The following IL1RL2 variants were observed in gnomAD, a reference collection of about 807,000 sequenced individuals.
IL1RL2 encodes interleukin 1 receptor like 2.
A neutral mutation model predicts 66.8 loss-of-function variants in IL1RL2; 68 were observed. The observed-to-expected ratio is 1.02, with a 90% CI of 0.84 to 1.25. The LOEUF is 1.25. Among genes scored for constraint, IL1RL2 ranks in the 50% most tolerant of loss-of-function variants. The probability of loss-of-function intolerance (pLI) is 0.00; values close to 1 mark genes in which losing one functional copy is unlikely to be tolerated. For missense variants in IL1RL2, 729 were observed against 709.3 expected (o/e 1.03, Z -0.32); for synonymous variants, 305 against 264.6 (o/e 1.15, Z -1.48).
At chr2:102,233,157 TA>T in intron 10 of IL1RL2, 33 bp downstream of exon 10, 2 of 1,563,100 alleles carry the variant, frequency 1.3e-6, no homozygotes, top group Non-Finnish European at 1.7e-6. Context: ...AAATAACAAA[TA>T]AAAGAAGGAA....
chr2:102,211,953 TG>T, intron 5 of IL1RL2, 146 bp from the exon 6 acceptor site: 1 of 515,082 alleles, frequency 1.9e-6, no homozygotes, highest in Non-Finnish European at 3.5e-6. Context: ...CAGTTACTTC[TG>T]GTTGAAAATG....
At chr2:102,227,905 T>G (rs1399132965) in intron 9 of IL1RL2, among the ~76,000 whole-genome samples, 1 of 151,770 alleles carries the variant, frequency 6.6e-6, no homozygotes, top group Non-Finnish European at 1.5e-5. Context: ...TGTTGTGCAG[T>G]GTGTGGGGAA....
intron 9 of IL1RL2, 105 bp from the exon 10 acceptor site, chr2:102,232,858 G>C: frequency 1.5e-6 from 2 of 1,328,188 alleles, no homozygotes; most frequent in Admixed American, 4.5e-5. Flanking sequence ...AGAAGTCATG[G>C]AACCCAGGCC....
chr2:102,232,534 G>A lies in IL1RL2; in HGVS notation c.1136-429G>A, dbSNP rs189387755. 3.9e-5 allele frequency among the ~76,000 whole-genome samples: 6 copies of A among 152,256 alleles called. No individual in the cohort carries two copies. In the East Asian group the frequency reaches 5.8e-4, roughly 15 times the overall value. On this transcript the variant is annotated intron_variant, in intron 9 of 11. Coordinates refer to ENST00000264257, the MANE Select transcript of IL1RL2 (RefSeq NM_003854.4). ...CTTTGGAGAGTCTTGTTATGTTGCC[G>A]AGGCTAGTCTTGAATTCCTGGCCTC...
intron 5 of IL1RL2, among the ~76,000 whole-genome samples, chr2:102,204,987 A>G (rs72820147): frequency 0.28 from 42,485 of 150,996 alleles, 6,580 homozygotes; most frequent in East Asian, 0.39. Flanking sequence ...ATATGACTTG[A>G]TTTCTTGCTT....
chr2:102,224,389 A>G (rs1690416452), intron 8 of IL1RL2, among the ~76,000 whole-genome samples: 1 of 152,232 alleles, frequency 6.6e-6, no homozygotes. Flanking sequence ...ATTCATCCAT[A>G]AAAGAGAATG....
At position 102,196,216 on chromosome 2, in the gene IL1RL2, C is replaced by T. The variant is rs142085967; in HGVS notation, c.489+4096C>T. On this transcript the variant is annotated intron_variant, in intron 4 of 11. Coordinates refer to ENST00000264257, the MANE Select transcript of IL1RL2 (RefSeq NM_003854.4). ...ATCTTTTAAAAATTCTGATGTTCAG[C>T]CTCACCTTCTGCTAACTGAAGCAGG... Among the ~76,000 whole-genome samples the T allele has an allele frequency of 6.8e-4, 104 of 152,262 alleles. 1 individual carries two copies. Among genetic ancestry groups the T allele is most frequent in the Non-Finnish European group, 1.2e-3 (79 of 68,018 alleles).
At chr2:102,207,149 C>A (rs985217284) in intron 5 of IL1RL2, among the ~76,000 whole-genome samples, 2 of 152,148 alleles carry the variant, frequency 1.3e-5, no homozygotes, top group African/African-American at 4.8e-5. Flanking sequence ...GCACTGGGCT[C>A]CCTTCTGGCC....
At chr2:102,235,961 G>A in intron 11 of IL1RL2, 1 of 985,076 alleles carries the variant, frequency 1.0e-6, no homozygotes, top group Non-Finnish European at 1.2e-6. Flanking sequence ...AAAGCAAGCA[G>A]GAATTCCTTT....
At chr2:102,194,663 C>T (rs1367169661) in intron 4 of IL1RL2, among the ~76,000 whole-genome samples, 1 of 152,114 alleles carries the variant, frequency 6.6e-6, no homozygotes, top group Non-Finnish European at 1.5e-5. Flanking sequence ...TCCCTGATTA[C>T]TGATAATGTT....
intron 9 of IL1RL2, 31 bp from the exon 10 acceptor site, chr2:102,232,932 A>C: frequency 6.3e-7 from 1 of 1,587,478 alleles, no homozygotes; most frequent in Non-Finnish European, 8.6e-7. Context: ...TGGTAGCAAC[A>C]ATTCCACAAG....
chr2:102,227,310 A>C (rs2104866513), intron 9 of IL1RL2, among the ~76,000 whole-genome samples: 1 of 152,298 alleles, frequency 6.6e-6, no homozygotes, highest in South Asian at 2.1e-4. Flanking sequence ...GCCAGCTAAA[A>C]CATAAAAGAG....
chr2:102,221,800 C>G (rs996733497), intron 8 of IL1RL2, among the ~76,000 whole-genome samples: 1 of 152,310 alleles, frequency 6.6e-6, no homozygotes, highest in African/African-American at 2.4e-5. Flanking sequence ...CGACTTCCTT[C>G]CACGACTGTT....
At chr2:102,189,343 T>G in intron 3 of IL1RL2, 33 bp downstream of exon 3, 1 of 1,273,658 alleles carries the variant, frequency 7.9e-7, no homozygotes, top group Non-Finnish European at 1.1e-6. Context: ...AACTAACTCG[T>G]GTGTGTATGT....
intron 11 of IL1RL2, among the ~76,000 whole-genome samples, chr2:102,238,209 G>T (rs746720355): frequency 2.0e-5 from 3 of 152,008 alleles, no homozygotes; most frequent in Non-Finnish European, 4.4e-5. Context: ...GTGCTGAGTC[G>T]CTGGGTTACC....
intron 9 of IL1RL2, among the ~76,000 whole-genome samples, chr2:102,228,482 G>T (rs1269185412): frequency 6.6e-6 from 1 of 152,192 alleles, no homozygotes; most frequent in East Asian, 1.9e-4. Context: ...AGCAAGTTCT[G>T]TATCTTCTCT....
intron 3 of IL1RL2, among the ~76,000 whole-genome samples, chr2:102,190,096 C>T (rs761038695): frequency 9.9e-5 from 15 of 152,218 alleles, no homozygotes; most frequent in Admixed American, 9.8e-4. Context: ...CACTGGAGAA[C>T]CTGTGCTAAG....
Position 102,230,846 on chromosome 2 carries a change from A to G in IL1RL2, c.1136-2117A>G, listed in dbSNP as rs566240726. Among the ~76,000 whole-genome samples, 3 of 152,342 alleles carry G rather than the reference A, an allele frequency of 2.0e-5. No homozygotes were observed. The South Asian group carries it at 6.2e-4, about 32-fold the overall frequency. On this transcript the variant is annotated intron_variant, in intron 9 of 11. Coordinates refer to ENST00000264257, the MANE Select transcript of IL1RL2 (RefSeq NM_003854.4). ...TCAGCAGTGGTTGGTGTGAGAATTG[A>G]TGGACTGAGAAATGGTGTTATGTAA...
chr2:102,198,613 A>G (rs1452928874), intron 4 of IL1RL2, among the ~76,000 whole-genome samples: 3 of 152,138 alleles, frequency 2.0e-5, no homozygotes, highest in East Asian at 1.9e-4. Flanking sequence ...CTCCTTTCCC[A>G]TTTCCTTCTA....
Sources: allele counts gnomAD v4.1 joint callset (sites outside exome capture counted in the v4.1 genomes callset), GRCh38; gene constraint gnomAD v4.1.1; transcripts MANE v1.5; gene names NCBI Gene and HGNC (gene_info 2026-07-23, HGNC 2026-07-21).